The following APBB2 variants were observed in gnomAD, a reference collection of about 807,000 sequenced individuals.
APBB2 encodes the protein amyloid beta precursor protein binding family B member 2.
A neutral mutation model predicts 82.5 loss-of-function variants in APBB2; 38 were observed. That is an observed-to-expected ratio of 0.46 (90% CI 0.36 to 0.60). The LOEUF (loss-of-function observed/expected upper bound fraction) is 0.60, where lower values mean the gene tolerates loss of function less well. Ranked by LOEUF, APBB2 falls within the 20% of genes least tolerant of loss-of-function variation. The pLI is 0.00. For missense variants in APBB2, 772 were observed against 972.3 expected (o/e 0.79, Z 2.74); for synonymous variants, 341 against 368.2 (o/e 0.93, Z 0.85).
chr4:40,950,251 T>C (rs2154383504), intron 6 of APBB2, among the ~76,000 whole-genome samples: 1 of 152,326 alleles, frequency 6.6e-6, no homozygotes, highest in Admixed American at 6.5e-5. Context: ...GAAGGGTAAT[T>C]TGGTACAATC....
chr4:41,181,144 T>C (rs936260222), intron 1 of APBB2, among the ~76,000 whole-genome samples: 2 of 152,216 alleles, frequency 1.3e-5, no homozygotes, highest in African/African-American at 4.8e-5. Flanking sequence ...ACAGGTTTTC[T>C]GAAAGCTTAA....
At chr4:40,876,450 T>G (rs892516922) in intron 12 of APBB2, among the ~76,000 whole-genome samples, 1 of 152,198 alleles carries the variant, frequency 6.6e-6, no homozygotes, top group African/African-American at 2.4e-5. Context: ...ATAAATGCAA[T>G]CACACACTAC....
chr4:41,016,019 A>G (rs141751878), intron 5 of APBB2, among the ~76,000 whole-genome samples: 1 of 152,316 alleles, frequency 6.6e-6, no homozygotes, highest in East Asian at 1.9e-4. Context: ...TTCACTCAAG[A>G]GTGGCATTTC....
At chr4:41,016,575 C>T (rs999676933) in intron 5 of APBB2, among the ~76,000 whole-genome samples, 5 of 151,900 alleles carry the variant, frequency 3.3e-5, no homozygotes, top group South Asian at 2.1e-4. Context: ...CGCTTGAACT[C>T]GGGAGGTAGA....
intron 1 of APBB2, among the ~76,000 whole-genome samples, chr4:41,208,418 T>C (rs1778499069): frequency 6.6e-6 from 1 of 152,142 alleles, no homozygotes; most frequent in Non-Finnish European, 1.5e-5. Flanking sequence ...TGTGCCACCA[T>C]GCCCGGCTAA....
intron 3 of APBB2, among the ~76,000 whole-genome samples, chr4:41,098,811 G>A (rs1744404401): frequency 1.3e-5 from 2 of 152,148 alleles, no homozygotes; most frequent in African/African-American, 2.4e-5. Context: ...AAACACCACT[G>A]CAAATATCTA....
intron 10 of APBB2, among the ~76,000 whole-genome samples, chr4:40,930,448 TGCGCGCGCGCGCGCGCGCGTGCGC>T (rs1178380931): frequency 2.7e-4 from 18 of 66,538 alleles, no homozygotes; most frequent in Non-Finnish European, 3.9e-4. Context: ...TGTGTGTGTG[TGCGCGCGCGCGCGCGCGCGTGCGC>T]GTGCGCGTAT....
At position 40,814,616 on chromosome 4, in the gene APBB2, A is replaced by T. The variant is rs1745136096; in HGVS notation, c.*1476T>A. The stretch of plus-strand genomic sequence containing the variant: ...CAAGTACATAGCAGTGTATAAACAT[A>T]AAGCATTACTTTTATAATTGGATGT... On this transcript the variant is annotated 3_prime_UTR_variant, in exon 18 of 18. Coordinates refer to ENST00000508593, the MANE Select transcript of APBB2 (RefSeq NM_004307.2). 6.6e-6 allele frequency: 1 copy of T among 152,242 alleles called. No individual in the cohort carries two copies. Among genetic ancestry groups the T allele is most frequent in the East Asian group, 1.9e-4 (1 of 5,198 alleles). The allele number at this position is 152,242 out of a possible 1,614,324, so 9.4% of individuals were successfully genotyped here. A position where few individuals can be genotyped will look rare whatever the true frequency, so the allele number is the denominator to read the frequency against.
chr4:41,155,965 C>A (rs755740373), intron 1 of APBB2, among the ~76,000 whole-genome samples: 1 of 151,896 alleles, frequency 6.6e-6, no homozygotes, highest in Non-Finnish European at 1.5e-5. Context: ...TTCCTCGGGG[C>A]ATCTATAATG....
At chr4:41,206,438 T>C (rs979749014) in intron 1 of APBB2, among the ~76,000 whole-genome samples, 2 of 152,178 alleles carry the variant, frequency 1.3e-5, no homozygotes, top group Non-Finnish European at 2.9e-5. Context: ...CAATAAGCAT[T>C]TGCTGAACAA....
chr4:40,855,573 C>CA (rs1165050473), intron 12 of APBB2, among the ~76,000 whole-genome samples: 4 of 151,702 alleles, frequency 2.6e-5, no homozygotes, highest in Non-Finnish European at 4.4e-5. Context: ...CGTCTCTACT[C>CA]AAAAAAACAG....
chr4:41,098,409 T>C (rs191710050), intron 3 of APBB2, among the ~76,000 whole-genome samples: 6 of 152,228 alleles, frequency 3.9e-5, no homozygotes, highest in African/African-American at 1.4e-4. Context: ...TCTTGAGCTC[T>C]TGGGCTCAAG....
intron 6 of APBB2, among the ~76,000 whole-genome samples, chr4:40,993,558 G>A (rs1227554038): frequency 6.6e-6 from 1 of 150,992 alleles, no homozygotes; most frequent in African/African-American, 2.4e-5. Flanking sequence ...CTAATTTTTT[G>A]TTTATTTTTT....
rs577369233 is a variant in APBB2 at position 40,873,007 on chromosome 4, G to T, written c.1529+17357C>A. On this transcript the variant is annotated intron_variant, in intron 12 of 17. Coordinates refer to ENST00000508593, the MANE Select transcript of APBB2 (RefSeq NM_004307.2). ...GGAGGCTGAGGCAGGAGAACTGCTT[G>T]AACACAGGAGGCGGAGGTTGCAGTG... 2.7e-5 allele frequency among the ~76,000 whole-genome samples: 4 copies of T among 149,740 alleles called. No homozygotes were observed. The South Asian group carries it at 6.3e-4, about 24-fold the overall frequency.
At chr4:40,995,482 AG>A (rs1354928886) in intron 6 of APBB2, among the ~76,000 whole-genome samples, 1 of 151,866 alleles carries the variant, frequency 6.6e-6, no homozygotes, top group Non-Finnish European at 1.5e-5. Context: ...TTCTGGCCTT[AG>A]CATCCTGAGT....
chr4:40,966,773 G>C (rs558981826), intron 6 of APBB2, among the ~76,000 whole-genome samples: 1 of 152,168 alleles, frequency 6.6e-6, no homozygotes, highest in Admixed American at 6.5e-5. Context: ...AGGGTGGCTC[G>C]GCACAGGTCT....
At chr4:41,046,928 AT>A (rs1723638974) in intron 4 of APBB2, among the ~76,000 whole-genome samples, 1 of 152,232 alleles carries the variant, frequency 6.6e-6, no homozygotes, top group Non-Finnish European at 1.5e-5. Flanking sequence ...TGTGATTCTG[AT>A]GAACCTGGTT....
intron 4 of APBB2, among the ~76,000 whole-genome samples, chr4:41,049,531 A>G (rs1454653463): frequency 7.2e-6 from 1 of 139,298 alleles, no homozygotes; most frequent in Admixed American, 6.9e-5. Context: ...CCGCCCGGCC[A>G]GCCGCCCCGT....
intron 10 of APBB2, among the ~76,000 whole-genome samples, chr4:40,907,373 ATATATATTTTTTTTTT>A (rs1462168336): frequency 1.9e-4 from 7 of 37,422 alleles, no homozygotes; most frequent in South Asian, 1.2e-3. Flanking sequence ...ATATATATAT[ATATATATTTTTTTTTT>A]TTTTTTTTTT....
Sources: allele counts gnomAD v4.1 joint callset (sites outside exome capture counted in the v4.1 genomes callset), GRCh38; gene constraint gnomAD v4.1.1; transcripts MANE v1.5; gene names NCBI Gene and HGNC (gene_info 2026-07-23, HGNC 2026-07-21).